Variants in GATAD2B observed in about 807,000 individuals in gnomAD.
GATAD2B encodes transcriptional repressor p66-beta.
Under a neutral mutation model 64.3 loss-of-function variants are expected in GATAD2B, and 8 were observed. The ratio of observed to expected loss-of-function variants is 0.12; its 90% CI spans 0.07 to 0.22. The LOEUF (loss-of-function observed/expected upper bound fraction) is 0.22. Among genes scored for constraint, GATAD2B ranks in the 10% least tolerant of loss-of-function variants. The probability of loss-of-function intolerance (pLI) is 1.00; values close to 1 mark genes in which losing one functional copy is unlikely to be tolerated. For synonymous variants in GATAD2B, 281 were observed against 271.3 expected, an observed-to-expected ratio of 1.04 and a Z score of -0.35; for missense variants, 453 against 752.0, an observed-to-expected ratio of 0.60 and a Z score of 4.65.
At chr1:153,899,948 T>C (rs1677717523) in intron 1 of GATAD2B, among the ~76,000 whole-genome samples, 1 of 152,296 alleles carries the variant, frequency 6.6e-6, no homozygotes, top group Non-Finnish European at 1.5e-5. Context: ...CTATGTAAGA[T>C]GTTTCACTGG....
intron 1 of GATAD2B, among the ~76,000 whole-genome samples, chr1:153,842,847 G>T (rs1184139630): frequency 6.6e-6 from 1 of 151,518 alleles, no homozygotes; most frequent in Non-Finnish European, 1.5e-5. Context: ...TAGAGACAGG[G>T]TTTCACCATG....
At chr1:153,827,013 A>AG (rs1674903712) in intron 2 of GATAD2B, among the ~76,000 whole-genome samples, 2 of 151,288 alleles carry the variant, frequency 1.3e-5, no homozygotes, top group Non-Finnish European at 2.9e-5. Flanking sequence ...TAGGAGGCTG[A>AG]GGAGGGAGGA....
chr1:153,824,672 T>C (rs1674807501), intron 2 of GATAD2B, among the ~76,000 whole-genome samples: 1 of 141,160 alleles, frequency 7.1e-6, no homozygotes. Context: ...TTTTAACATA[T>C]ACTGTATCTA....
At chr1:153,819,022 C>T in intron 3 of GATAD2B, 100 bp from the exon 4 acceptor site, 1 of 1,221,940 alleles carries the variant, frequency 8.2e-7, no homozygotes, top group Admixed American at 2.1e-5. Flanking sequence ...CCTTCATCTT[C>T]CACAAGAAGC....
intron 1 of GATAD2B, among the ~76,000 whole-genome samples, chr1:153,880,369 A>G (rs750616620): frequency 3.3e-5 from 5 of 152,060 alleles, no homozygotes; most frequent in Non-Finnish European, 7.4e-5. Flanking sequence ...CGGGAGGCAG[A>G]GGCACAAAAA....
At chr1:153,811,228 T>C (rs1485179360) in intron 10 of GATAD2B, among the ~76,000 whole-genome samples, 1 of 152,190 alleles carries the variant, frequency 6.6e-6, no homozygotes, top group Non-Finnish European at 1.5e-5. Context: ...TCCCCACTCA[T>C]ATTCCTAAGC....
At position 153,907,991 on chromosome 1, in the gene GATAD2B, G is replaced by A. The variant is rs150686962; in HGVS notation, c.-2+14742C>T. On this transcript the variant is annotated intron_variant, in intron 1 of 10. Coordinates refer to ENST00000368655, the MANE Select transcript of GATAD2B (RefSeq NM_020699.4). ...AGCTAATTTTTGTATTTTTAGTAGA[G>A]ACTGGGTTTCACCATGTTGCTAAGA... is the stretch of plus-strand genomic sequence containing the variant. Among the ~76,000 whole-genome samples, 743 of 152,248 alleles carry A rather than the reference G, an allele frequency of 4.9e-3. 15 individuals are homozygous for A. Among genetic ancestry groups the A allele is most frequent in the Admixed American group, 0.038 (577 of 15,268 alleles).
chr1:153,826,947 A>C (rs1351071879), intron 2 of GATAD2B, among the ~76,000 whole-genome samples: 2 of 151,608 alleles, frequency 1.3e-5, no homozygotes, highest in African/African-American at 2.4e-5. Flanking sequence ...TCTTAAAAAA[A>C]AAAAAAAAAA....
At chr1:153,859,662 T>C (rs1305446957) in intron 1 of GATAD2B, among the ~76,000 whole-genome samples, 1 of 145,768 alleles carries the variant, frequency 6.9e-6, no homozygotes, top group Non-Finnish European at 1.5e-5. Flanking sequence ...AGAGTGAGAC[T>C]CCATCTCAAA....
Position 153,809,941 on chromosome 1 carries a change from G to A in GATAD2B, c.*236C>T. On this transcript the variant is annotated 3_prime_UTR_variant, in exon 11 of 11. Transcript: ENST00000368655. The stretch of plus-strand genomic sequence containing the variant: ...ATCCACCTCACTGTTAAAGAAAACT[G>A]AAGAGAGAAGACAGAGCGGCAGAAG... 2.4e-6 allele frequency: 1 copy of A among 424,594 alleles called. No homozygotes were observed. The highest frequency in any genetic ancestry group is 3.7e-5 in the South Asian group (1 of 27,050). 26.3% of individuals were successfully genotyped at this position (424,594 alleles called of 1,614,324 possible).
At chr1:153,861,618 C>G (rs1022271362) in intron 1 of GATAD2B, among the ~76,000 whole-genome samples, 9 of 145,194 alleles carry the variant, frequency 6.2e-5, no homozygotes, top group Middle Eastern at 3.5e-3. Context: ...TCCATCTCTA[C>G]TAAAAAAAAA....
chr1:153,898,240 A>C (rs1677659608), intron 1 of GATAD2B, among the ~76,000 whole-genome samples: 1 of 150,156 alleles, frequency 6.7e-6, no homozygotes, highest in African/African-American at 2.5e-5. Flanking sequence ...CCCAAAGTTC[A>C]AGCCTGTAGT....
intron 1 of GATAD2B, among the ~76,000 whole-genome samples, chr1:153,847,758 C>T (rs867533590): frequency 1.7e-4 from 26 of 152,176 alleles, no homozygotes; most frequent in African/African-American, 5.8e-4. Context: ...TATCTTGGAC[C>T]ATCTCATTCT....
chr1:153,877,293 T>C (rs535061977), intron 1 of GATAD2B, among the ~76,000 whole-genome samples: 1 of 151,496 alleles, frequency 6.6e-6, no homozygotes, highest in Admixed American at 6.6e-5. Flanking sequence ...CAGTGTGCTA[T>C]GATCACACTA....
intron 1 of GATAD2B, among the ~76,000 whole-genome samples, chr1:153,900,725 T>C (rs930984744): frequency 4.6e-5 from 7 of 152,118 alleles, no homozygotes; most frequent in African/African-American, 1.7e-4. Context: ...ATTTTAGGTT[T>C]TGGAGGCCTT....
intron 1 of GATAD2B, among the ~76,000 whole-genome samples, chr1:153,859,973 A>G (rs981391321): frequency 1.7e-5 from 2 of 121,180 alleles, no homozygotes; most frequent in African/African-American, 6.5e-5. Flanking sequence ...ACTGGAGTGC[A>G]CTGGCGCGAT....
chr1:153,861,984 T>C (rs1432927224), intron 1 of GATAD2B, among the ~76,000 whole-genome samples: 1 of 150,504 alleles, frequency 6.6e-6, no homozygotes, highest in African/African-American at 2.4e-5. Flanking sequence ...GTGGCTAATA[T>C]ACATGTGAAT....
intron 1 of GATAD2B, among the ~76,000 whole-genome samples, chr1:153,828,558 T>C (rs1473931295): frequency 6.6e-6 from 1 of 152,088 alleles, no homozygotes; most frequent in African/African-American, 2.4e-5. Context: ...TTAAAGGAGA[T>C]TTCTGGGCAT....
At chr1:153,873,641 G>A (rs550749378) in intron 1 of GATAD2B, among the ~76,000 whole-genome samples, 14 of 152,284 alleles carry the variant, frequency 9.2e-5, no homozygotes, top group African/African-American at 3.1e-4. Context: ...CTCCAGAGCC[G>A]TGAGAAATAA....
Sources: allele counts gnomAD v4.1 joint callset (sites outside exome capture counted in the v4.1 genomes callset), GRCh38; gene constraint gnomAD v4.1.1; transcripts MANE v1.5; gene names NCBI Gene and HGNC (gene_info 2026-07-23, HGNC 2026-07-21).